RNF220: variants seen among roughly 807,000 people sequenced by gnomAD.
RNF220 encodes the protein ring finger protein 220.
A neutral mutation model predicts 67.1 loss-of-function variants in RNF220; 7 were observed. The observed-to-expected ratio is 0.10, with a 90% confidence interval of 0.06 to 0.20. The LOEUF (loss-of-function observed/expected upper bound fraction) is 0.20. Ranked by LOEUF, RNF220 falls within the 10% of genes least tolerant of loss-of-function variation. The pLI is 1.00. For synonymous variants in RNF220, 270 were observed against 283.2 expected, an observed-to-expected ratio of 0.95 and a Z score of 0.47; for missense variants, 565 against 740.3, an observed-to-expected ratio of 0.76 and a Z score of 2.75.
chr1:44,648,648 A>C (rs1468197766), intron 12 of RNF220: 3 of 152,198 alleles, frequency 2.0e-5, no homozygotes, highest in Admixed American at 6.5e-5. Flanking sequence ...TGATATATCT[A>C]GGAAGTAACA....
At chr1:44,500,897 C>T (rs890998082) in intron 2 of RNF220, among the ~76,000 whole-genome samples, 2 of 152,168 alleles carry the variant, frequency 1.3e-5, no homozygotes, top group South Asian at 2.1e-4. Context: ...ACGTGGGGCT[C>T]GGGAGCCAGG....
At chr1:44,524,478 CTGTGGTGACCAAA>C (rs1660204465) in intron 2 of RNF220, among the ~76,000 whole-genome samples, 1 of 152,184 alleles carries the variant, frequency 6.6e-6, no homozygotes, top group Admixed American at 6.5e-5. Context: ...AACCCGGTTG[CTGTGGTGACCAAA>C]TGTTATTTCC....
At chr1:44,608,012 C>T (rs1667404082) in intron 2 of RNF220, among the ~76,000 whole-genome samples, 1 of 150,828 alleles carries the variant, frequency 6.6e-6, no homozygotes, top group Non-Finnish European at 1.5e-5. Flanking sequence ...CAGCCTCAAA[C>T]TCCTGGGCTC....
In RNF220 at chr1:44,650,362, G is replaced by A. The variant is rs570392080; in HGVS notation, c.1630-342G>A. The A allele has an allele frequency of 8.4e-5, 39 of 464,164 alleles. No homozygotes were observed. The East Asian group carries it at 1.0e-3, about 12-fold the overall frequency. 28.8% of individuals were successfully genotyped at this position (464,164 alleles called of 1,614,324 possible). On this transcript the variant is annotated intron_variant, in intron 14 of 14. Transcript: ENST00000361799. The surrounding 1 kb of genome is among the most constrained non-coding windows in gnomAD (Gnocchi z 4.3). ...GCTCAGGAGCAGCCATTAAAATGTC[G>A]CCCGGAGACAGTAATAAAAGGCTCG... is the stretch of plus-strand genomic sequence containing the variant.
At chr1:44,470,383 A>G (rs1406881334) in intron 2 of RNF220, among the ~76,000 whole-genome samples, 1 of 152,252 alleles carries the variant, frequency 6.6e-6, no homozygotes, top group Admixed American at 6.5e-5. Context: ...GAGAGTACAC[A>G]TCAGTCAGTT....
chr1:44,525,263 G>C (rs1209288588), intron 2 of RNF220, among the ~76,000 whole-genome samples: 1 of 152,188 alleles, frequency 6.6e-6, no homozygotes, highest in Non-Finnish European at 1.5e-5. Flanking sequence ...ACTTTGGTGT[G>C]GGGGGCTTGC....
chr1:44,598,927 A>G (rs1666728620), intron 2 of RNF220, among the ~76,000 whole-genome samples: 1 of 151,790 alleles, frequency 6.6e-6, no homozygotes, highest in African/African-American at 2.4e-5. Flanking sequence ...TCCTTCCCCT[A>G]TCCCCACCTC....
At chr1:44,475,589 A>G (rs1009905608) in intron 2 of RNF220, among the ~76,000 whole-genome samples, 3 of 149,854 alleles carry the variant, frequency 2.0e-5, no homozygotes, top group African/African-American at 7.3e-5. Context: ...AAAAAAAAAA[A>G]GTTCAAGGTA....
intron 2 of RNF220, among the ~76,000 whole-genome samples, chr1:44,437,845 A>T (rs997267300): frequency 1.3e-5 from 2 of 152,182 alleles, no homozygotes; most frequent in African/African-American, 4.8e-5. Context: ...CCTGGATTTG[A>T]ATCCTGATTC....
At chr1:44,512,531 C>T (rs1359633915) in intron 2 of RNF220, among the ~76,000 whole-genome samples, 1 of 152,128 alleles carries the variant, frequency 6.6e-6, no homozygotes, top group Non-Finnish European at 1.5e-5. Context: ...GAGGGAGTGG[C>T]TCCTCATGGT....
rs1288895594 is a variant in RNF220, at chr1:44,565,900, C to G, written c.626-48265C>G. ...TTGAATCCCACCTCATGGCTGGCCC[C>G]CACTGCTGCTTCTCACTCCCCACCT... On this transcript the variant is annotated intron_variant, in intron 2 of 14. Transcript: ENST00000361799. The surrounding 1 kb of genome is among the most constrained non-coding windows in gnomAD (Gnocchi z 4.2). 6.6e-6 allele frequency among the ~76,000 whole-genome samples: 1 copy of G among 152,118 alleles called. No individual in the cohort carries two copies. The highest frequency in any genetic ancestry group is 6.5e-5 in the Admixed American group (1 of 15,280).
At chr1:44,545,744 C>T (rs1447983982) in intron 2 of RNF220, among the ~76,000 whole-genome samples, 1 of 149,136 alleles carries the variant, frequency 6.7e-6, no homozygotes, top group African/African-American at 2.5e-5. Flanking sequence ...GCAACCTCTT[C>T]ATCAGAAACC....
At chr1:44,643,369 G>A (rs989138392) in intron 8 of RNF220, 1 of 152,276 alleles carries the variant, frequency 6.6e-6, no homozygotes, top group African/African-American at 2.4e-5. Context: ...TGAGCAGCCT[G>A]TGTGTGCACA....
At position 44,650,909 on chromosome 1, in the gene RNF220, T is replaced by TAC. The variant is rs1235968314; in HGVS notation, c.*146_*147dup. On this transcript the variant is annotated 3_prime_UTR_variant, in exon 15 of 15. Transcript: ENST00000361799. This position sits in a 1 kb window ranked among gnomAD's most constrained non-coding sequence, Gnocchi z 4.3. ...ATACATGCACATACTCAAACATGCG[T>TAC]ACACACACACACATTTACACACGCA... The TAC allele has an allele frequency of 2.1e-5, 16 of 749,710 alleles. No individual in the cohort carries two copies. Among genetic ancestry groups the TAC allele is most frequent in the Middle Eastern group, 2.3e-4 (1 of 4,412 alleles). 46.4% of individuals were successfully genotyped at this position (749,710 alleles called of 1,614,324 possible).
chr1:44,578,281 T>C (rs1355563243), intron 2 of RNF220, among the ~76,000 whole-genome samples: 1 of 151,424 alleles, frequency 6.6e-6, no homozygotes, highest in East Asian at 2.0e-4. Context: ...CCCAAGTAGC[T>C]GGGATTACAG....
chr1:44,490,228 G>T (rs948385111), intron 2 of RNF220, among the ~76,000 whole-genome samples: 2 of 152,128 alleles, frequency 1.3e-5, no homozygotes, highest in Admixed American at 1.3e-4. Flanking sequence ...CAGCACTTTG[G>T]GAGGCCGAGG....
intron 2 of RNF220, among the ~76,000 whole-genome samples, chr1:44,523,222 A>G (rs1287214922): frequency 6.6e-6 from 1 of 152,138 alleles, no homozygotes; most frequent in Non-Finnish European, 1.5e-5. Flanking sequence ...CACTGGGCTG[A>G]TGGCTCCCCG....
At chr1:44,439,591 T>A (rs1202328728) in intron 2 of RNF220, among the ~76,000 whole-genome samples, 1 of 152,194 alleles carries the variant, frequency 6.6e-6, no homozygotes, top group African/African-American at 2.4e-5. Flanking sequence ...GGCTACCCCA[T>A]AGGCAGTGTG....
chr1:44,484,807 C>T (rs140971638), intron 2 of RNF220, among the ~76,000 whole-genome samples: 1 of 152,178 alleles, frequency 6.6e-6, no homozygotes, highest in Non-Finnish European at 1.5e-5. Context: ...ATTGTACAGT[C>T]TAGATGTACA....
Sources: allele counts gnomAD v4.1 joint callset (sites outside exome capture counted in the v4.1 genomes callset), GRCh38; gene constraint gnomAD v4.1.1; non-coding constraint Gnocchi (gnomAD v3.1); transcripts MANE v1.5; gene names NCBI Gene and HGNC (gene_info 2026-07-23, HGNC 2026-07-21).